DMD: variants seen among roughly 807,000 people sequenced by gnomAD.
The protein encoded by DMD is dystrophin, also known as mutant dystrophin.
DMD carries 63 observed loss-of-function variants against 330.1 expected under a neutral mutation model. That is an observed-to-expected ratio of 0.19 (90% CI 0.16 to 0.24). DMD has a LOEUF of 0.24. Among genes scored for constraint, DMD ranks in the 10% least tolerant of loss-of-function variants. DMD has a pLI of 1.00. For synonymous variants in DMD, 1,223 were observed against 959.8 expected, an observed-to-expected ratio of 1.27 and a Z score of -5.07; for missense variants, 3,344 against 2,684.1, an observed-to-expected ratio of 1.25 and a Z score of -5.43.
intron 2 of DMD, 59 bp downstream of exon 2, chrX:33,020,080 G>A: frequency 1.1e-6 from 1 of 937,427 alleles, no homozygotes. Context: ...CAGGTACATA[G>A]TCCATTTTGA....
rs754035822 is a variant in DMD, at chrX:33,051,646, A to ATTTTTTTTTTTTTTTTTTTTTTTTTTT, written c.32-31447_32-31446insAAAAAAAAAAAAAAAAAAAAAAAAAAA. 9.7e-5 allele frequency among the ~76,000 whole-genome samples: 7 copies of ATTTTTTTTTTTTTTTTTTTTTTTTTTT among 71,959 alleles called. 1 individual carries two copies. Among genetic ancestry groups the ATTTTTTTTTTTTTTTTTTTTTTTTTTT allele is most frequent in the African/African-American group, 4.6e-4 (7 of 15,366 alleles). 62.5% of individuals were successfully genotyped at this position (71,959 alleles called of 115,157 possible). On this transcript the variant is annotated intron_variant, in intron 1 of 78. Transcript: ENST00000357033. ...TAAGGAAAATATATAATTACGCTCTATTTTTTTTTTTTTTTTTTTGAGACG... is the reference window on the plus strand; with the variant it reads ...TAAGGAAAATATATAATTACGCTCTATTTTTTTTTTTTTTTTTTTTTTTTTTTTTTTTTTTTTTTTTTTTTTGAGACG...
chrX:32,853,361 A>G lies in DMD; in HGVS notation c.94-3541T>C, dbSNP rs947574415. On this transcript the variant is annotated intron_variant, in intron 2 of 78. Coordinates refer to ENST00000357033, the MANE Select transcript of DMD (RefSeq NM_004006.3). ...CTCATATCTTGAATAAGAAGAGTAA[A>G]AAAAGGAAGCTTTCAGTTAACAAAT... Among the ~76,000 whole-genome samples, 5 of 112,437 alleles carry G rather than the reference A, an allele frequency of 4.4e-5. No individual in the cohort carries two copies. In the East Asian group the frequency reaches 1.4e-3, roughly 31 times the overall value.
At chrX:32,111,535 G>A (rs1741659565) in intron 44 of DMD, among the ~76,000 whole-genome samples, 1 of 111,857 alleles carries the variant, frequency 8.9e-6, no homozygotes, top group South Asian at 3.7e-4. Flanking sequence ...ACTAACTACA[G>A]CTTTTTACTA....
intron 23 of DMD, among the ~76,000 whole-genome samples, chrX:32,467,215 C>G (rs994001442): frequency 3.6e-5 from 4 of 112,034 alleles, no homozygotes; most frequent in Non-Finnish European, 7.5e-5. Flanking sequence ...GGATTTAAAT[C>G]CAGGAGCATA....
chrX:31,329,840 G>A (rs750107094), intron 61 of DMD, among the ~76,000 whole-genome samples: 11 of 107,751 alleles, frequency 1.0e-4, no homozygotes, highest in East Asian at 8.7e-4. Flanking sequence ...GCGAGGTGGC[G>A]CGCACCTATA....
intron 51 of DMD, among the ~76,000 whole-genome samples, chrX:31,734,630 C>T (rs2086742688): frequency 1.8e-5 from 2 of 111,456 alleles, no homozygotes; most frequent in South Asian, 7.6e-4. Context: ...TTTTTAAGTG[C>T]TTCTGTTGTG....
At chrX:32,353,395 C>T (rs187247332) in intron 37 of DMD, among the ~76,000 whole-genome samples, 108 of 111,576 alleles carry the variant, frequency 9.7e-4, no homozygotes, top group African/African-American at 3.3e-3. Flanking sequence ...TCTTGAGTCA[C>T]CAAATTTTAA....
At chrX:32,613,973 G>A (rs1056580984) in intron 12 of DMD, among the ~76,000 whole-genome samples, 2 of 110,108 alleles carry the variant, frequency 1.8e-5, no homozygotes, top group African/African-American at 6.6e-5. Flanking sequence ...TCACATGGTG[G>A]TGCATGGTGG....
At chrX:33,050,973 C>CA (rs1022021930) in intron 1 of DMD, among the ~76,000 whole-genome samples, 3 of 110,752 alleles carry the variant, frequency 2.7e-5, no homozygotes, top group African/African-American at 6.6e-5. Context: ...GACCCATTTT[C>CA]AAAAAAACAA....
chrX:32,897,503 T>C (rs181172167), intron 2 of DMD, among the ~76,000 whole-genome samples: 12 of 112,159 alleles, frequency 1.1e-4, no homozygotes, highest in Admixed American at 8.5e-4. Flanking sequence ...GAATCTTTCA[T>C]ACTTGTTCAA....
intron 11 of DMD, among the ~76,000 whole-genome samples, chrX:32,616,323 G>A (rs958942989): frequency 2.7e-5 from 3 of 110,932 alleles, no homozygotes; most frequent in East Asian, 2.8e-4. Context: ...TTCCCTCTCC[G>A]TGAGGGCAGA....
chrX:31,623,004 A>G (rs1458058900), intron 55 of DMD, among the ~76,000 whole-genome samples: 1 of 108,272 alleles, frequency 9.2e-6, no homozygotes, highest in Non-Finnish European at 1.9e-5. Flanking sequence ...TTTAGACAAC[A>G]ATCAAAATAG....
chrX:33,305,793 T>C (rs955805741), intron 1 of DMD, among the ~76,000 whole-genome samples: 25 of 111,309 alleles, frequency 2.2e-4, no homozygotes, highest in Non-Finnish European at 3.8e-4. Context: ...TTTCCTCCCA[T>C]GGTGAAAAGG....
At chrX:32,397,468 A>G (rs987419607) in intron 30 of DMD, among the ~76,000 whole-genome samples, 1 of 111,861 alleles carries the variant, frequency 8.9e-6, no homozygotes, top group Non-Finnish European at 1.9e-5. Flanking sequence ...CATCAAAGTC[A>G]AGTAATATAA....
intron 1 of DMD, among the ~76,000 whole-genome samples, chrX:33,245,202 C>T (rs1421746319): frequency 9.1e-6 from 1 of 109,568 alleles, no homozygotes; most frequent in Non-Finnish European, 1.9e-5. Flanking sequence ...TAAACTAATG[C>T]ATTTCAATAA....
intron 7 of DMD, among the ~76,000 whole-genome samples, chrX:32,737,773 G>A (rs912574137): frequency 2.7e-5 from 3 of 111,499 alleles, no homozygotes; most frequent in Non-Finnish European, 5.7e-5. Context: ...GTCTTCTAAT[G>A]CGTTACATCA....
chrX:33,302,147 T>C (rs2053674433), intron 1 of DMD, among the ~76,000 whole-genome samples: 1 of 111,663 alleles, frequency 9.0e-6, no homozygotes, highest in Non-Finnish European at 1.9e-5. Context: ...CCAAGATTTG[T>C]TTATCTGACC....
At chrX:32,096,605 G>A (rs1013706243) in intron 44 of DMD, among the ~76,000 whole-genome samples, 5 of 109,528 alleles carry the variant, frequency 4.6e-5, no homozygotes, top group Admixed American at 3.9e-4. Context: ...TATTCACAGT[G>A]ACGGGCCTGA....
At chrX:31,900,668 G>A (rs190541891) in intron 47 of DMD, among the ~76,000 whole-genome samples, 4 of 111,564 alleles carry the variant, frequency 3.6e-5, no homozygotes, top group East Asian at 2.8e-4. Flanking sequence ...TTGGAAGTGC[G>A]TAACATGCAG....
Sources: gnomAD v4.1 joint callset for allele counts (sites outside exome capture counted in the v4.1 genomes callset) on GRCh38, gnomAD v4.1.1 for gene constraint, MANE v1.5 for transcripts, NCBI Gene and HGNC (gene_info 2026-07-23, HGNC 2026-07-21) for gene names.